CHST11: variants seen among roughly 807,000 people sequenced by gnomAD.
CHST11 encodes carbohydrate sulfotransferase 11.
CHST11 carries 9 observed loss-of-function variants against 30.4 expected under a neutral mutation model. That is an observed-to-expected ratio of 0.30 (90% confidence interval 0.18 to 0.52). The LOEUF (loss-of-function observed/expected upper bound fraction) is 0.52. Among genes scored for constraint, CHST11 ranks in the 20% least tolerant of loss-of-function variants. CHST11 has a pLI of 0.97. For synonymous variants in CHST11, 152 were observed against 187.8 expected (o/e 0.81, Z 1.56); for missense variants, 348 against 460.6 (o/e 0.76, Z 2.24).
At chr12:104,500,562 A>G (rs1025560920) in intron 1 of CHST11, among the ~76,000 whole-genome samples, 1 of 152,232 alleles carries the variant, frequency 6.6e-6, no homozygotes, top group Non-Finnish European at 1.5e-5. Context: ...ATGAGCAGAA[A>G]GAATGACATG....
At chr12:104,626,872 G>T (rs2039220995) in intron 2 of CHST11, among the ~76,000 whole-genome samples, 1 of 152,006 alleles carries the variant, frequency 6.6e-6, no homozygotes, top group African/African-American at 2.4e-5. Context: ...TTGTCACCCA[G>T]GCTCACAGTT....
intron 2 of CHST11, among the ~76,000 whole-genome samples, chr12:104,683,592 C>T (rs1411180795): frequency 2.0e-5 from 3 of 152,088 alleles, no homozygotes; most frequent in East Asian, 1.9e-4. Flanking sequence ...TATGAGATTC[C>T]CCTTTCAGCC....
intron 1 of CHST11, among the ~76,000 whole-genome samples, chr12:104,503,213 T>C (rs548158752): frequency 2.3e-4 from 35 of 152,234 alleles, no homozygotes; most frequent in Non-Finnish European, 4.1e-4. Context: ...TGCTGCTGCC[T>C]GGCTGTATGA....
At chr12:104,698,779 G>C (rs746002361) in intron 2 of CHST11, among the ~76,000 whole-genome samples, 3 of 152,134 alleles carry the variant, frequency 2.0e-5, no homozygotes, top group Non-Finnish European at 4.4e-5. Flanking sequence ...GTTTAACATA[G>C]CATGTGCAAA....
At chr12:104,586,171 G>A (rs1053212498) in intron 1 of CHST11, among the ~76,000 whole-genome samples, 4 of 152,194 alleles carry the variant, frequency 2.6e-5, no homozygotes, top group Admixed American at 2.6e-4. Context: ...GAGGGACACT[G>A]TGCAGTCCAC....
chr12:104,592,567 T>C (rs1440283465), intron 1 of CHST11, among the ~76,000 whole-genome samples: 1 of 152,052 alleles, frequency 6.6e-6, no homozygotes, highest in African/African-American at 2.4e-5. Flanking sequence ...ATCTTGGGGG[T>C]TAATATTTTA....
rs539691546 is a variant in CHST11, at chr12:104,540,545, G to T, written c.119-61361G>T. ...AAGAGACAGGAACCTCGAGCTATTG[G>T]GCCACAAGGGCACATCCCCAGTGAC... On this transcript the variant is annotated intron_variant, in intron 1 of 2. Transcript: ENST00000303694. 1.2e-4 allele frequency among the ~76,000 whole-genome samples: 18 copies of T among 152,016 alleles called. No individual in the cohort carries two copies. The South Asian group carries it at 3.7e-3, about 32-fold the overall frequency.
Position 104,601,892 on chromosome 12 carries a change from C to T in CHST11, c.119-14C>T. ...GTTGCTCATTTCTGATGAGCCTTCA[C>T]TTTCTTTCCTCAGTCATGCGGAGGA... On this transcript the variant is annotated splice_polypyrimidine_tract_variant and intron_variant, in intron 1 of 2. Coordinates refer to ENST00000303694, the MANE Select transcript of CHST11 (RefSeq NM_018413.6). 3 of 1,606,722 alleles carry T rather than the reference C, an allele frequency of 1.9e-6. No individual in the cohort carries two copies. The highest frequency in any genetic ancestry group is 2.6e-6 in the Non-Finnish European group (3 of 1,175,300).
intron 2 of CHST11, among the ~76,000 whole-genome samples, chr12:104,604,944 C>T (rs982525257): frequency 4.6e-5 from 7 of 152,038 alleles, no homozygotes; most frequent in Non-Finnish European, 1.0e-4. Flanking sequence ...TAATAAGCCC[C>T]AAGCTAGGTT....
At chr12:104,551,645 T>G (rs1297614735) in intron 1 of CHST11, among the ~76,000 whole-genome samples, 2 of 152,192 alleles carry the variant, frequency 1.3e-5, no homozygotes, top group Admixed American at 6.5e-5. Context: ...AGCTGTCAGA[T>G]TCCTCGAAGT....
intron 1 of CHST11, among the ~76,000 whole-genome samples, chr12:104,475,262 G>C (rs186093542): frequency 8.9e-4 from 135 of 152,188 alleles, no homozygotes; most frequent in Non-Finnish European, 1.8e-3. Flanking sequence ...ATAAGACTTA[G>C]TTCCTGCCTA....
intron 2 of CHST11, among the ~76,000 whole-genome samples, chr12:104,731,643 G>A (rs1025308711): frequency 4.6e-5 from 7 of 152,206 alleles, no homozygotes; most frequent in South Asian, 2.1e-4. Flanking sequence ...CAGCCTCTGC[G>A]GGCCTCAGCG....
chr12:104,696,942 G>A (rs538596274), intron 2 of CHST11, among the ~76,000 whole-genome samples: 2 of 152,226 alleles, frequency 1.3e-5, no homozygotes, highest in Admixed American at 6.5e-5. Flanking sequence ...CCAGCCCTGT[G>A]GATCCCTCAG....
chr12:104,525,693 A>G (rs1387202863), intron 1 of CHST11, among the ~76,000 whole-genome samples: 2 of 152,144 alleles, frequency 1.3e-5, no homozygotes, highest in African/African-American at 4.8e-5. Flanking sequence ...TGCTATTTTG[A>G]TTATTTTTAA....
At chr12:104,591,058 A>C (rs1047380380) in intron 1 of CHST11, among the ~76,000 whole-genome samples, 8 of 152,132 alleles carry the variant, frequency 5.3e-5, no homozygotes, top group African/African-American at 1.9e-4. Context: ...AGAAGAGAAC[A>C]GTTGTTGGTG....
intron 1 of CHST11, among the ~76,000 whole-genome samples, chr12:104,486,882 C>A (rs2037684243): frequency 6.6e-6 from 1 of 152,188 alleles, no homozygotes; most frequent in Non-Finnish European, 1.5e-5. Context: ...AGCCTTCTAC[C>A]CTTTGTTACA....
chr12:104,495,059 G>A (rs570981622), intron 1 of CHST11, among the ~76,000 whole-genome samples: 6 of 152,260 alleles, frequency 3.9e-5, no homozygotes, highest in Admixed American at 2.6e-4. Flanking sequence ...CTTCAGATGC[G>A]TGGAGTCATA....
rs1031556877 is a variant in CHST11 at position 104,611,993 on chromosome 12, T to C, written c.204+10002T>C. On this transcript the variant is annotated intron_variant, in intron 2 of 2. Transcript: ENST00000303694. ...GGCTGCTTAAGCCCAGACCCCACCCTCTCTCGCCGCTTAGCCCACACTCAG... is the reference window on the plus strand; with the variant it reads ...GGCTGCTTAAGCCCAGACCCCACCCCCTCTCGCCGCTTAGCCCACACTCAG... 2.6e-5 allele frequency among the ~76,000 whole-genome samples: 4 copies of C among 152,164 alleles called. No individual in the cohort carries two copies. The South Asian group carries it at 8.3e-4, about 31-fold the overall frequency.
chr12:104,583,482 C>T (rs2038768731), intron 1 of CHST11, among the ~76,000 whole-genome samples: 1 of 152,140 alleles, frequency 6.6e-6, no homozygotes, highest in South Asian at 2.1e-4. Context: ...GACCATATTT[C>T]AACAACCACA....
Sources: gnomAD v4.1 joint callset for allele counts (sites outside exome capture counted in the v4.1 genomes callset) on GRCh38, gnomAD v4.1.1 for gene constraint, MANE v1.5 for transcripts, NCBI Gene and HGNC (gene_info 2026-07-23, HGNC 2026-07-21) for gene names.